FUCA1: variants seen among roughly 807,000 people sequenced by gnomAD.
FUCA1 encodes alpha-L-fucosidase 1, also known as tissue alpha-L-fucosidase.
In FUCA1, 52 loss-of-function variants were observed where a neutral mutation model predicts 56.8. The ratio of observed to expected loss-of-function variants is 0.92; its 90% confidence interval spans 0.73 to 1.15. The LOEUF is 1.15. Ranked by LOEUF, FUCA1 falls within the 50% of genes most tolerant of loss-of-function variation. The probability of loss-of-function intolerance (pLI) is 0.00; values close to 1 mark genes in which losing one functional copy is unlikely to be tolerated. For missense variants in FUCA1, 568 were observed against 592.6 expected, an observed-to-expected ratio of 0.96 and a Z score of 0.43; for synonymous variants, 230 against 226.6, an observed-to-expected ratio of 1.02 and a Z score of -0.14.
At position 23,845,525 on chromosome 1, in the gene FUCA1, C is replaced by A; in HGVS notation, c.*190G>T. On this transcript the variant is annotated 3_prime_UTR_variant, in exon 8 of 8. Coordinates refer to ENST00000374479, the MANE Select transcript of FUCA1 (RefSeq NM_000147.5). ...TGCTGACCTGATACAGATATAATCACAATGGATCTCAGATCTTTGGTCCAT... is the reference window on the plus strand; with the variant it reads ...TGCTGACCTGATACAGATATAATCAAAATGGATCTCAGATCTTTGGTCCAT... 1.5e-6 allele frequency: 1 copy of A among 659,708 alleles called. No individual in the cohort carries two copies. The highest frequency in any genetic ancestry group is 2.7e-6 in the Non-Finnish European group (1 of 375,254). 40.9% of individuals were successfully genotyped at this position (659,708 alleles called of 1,614,324 possible).
At chr1:23,862,742 G>T (rs1453852725) in intron 3 of FUCA1, among the ~76,000 whole-genome samples, 2 of 152,202 alleles carry the variant, frequency 1.3e-5, no homozygotes, top group Non-Finnish European at 2.9e-5. Flanking sequence ...TTTACAGAGT[G>T]AGAATCAAGC....
chr1:23,865,591 A>C lies in FUCA1; in HGVS notation c.424T>G (p.Phe142Val), dbSNP rs1307250692. 2 of 1,614,234 alleles carry C rather than the reference A, an allele frequency of 1.2e-6. No homozygotes were observed. ...VVLTTKHHEG[F>V]TNWPSPVSWN... ...GACACAGGACTCGGCCAGTTTGTGA[A>C]GCCTTCGTGATGCTTTGTCGTCAAA... Residue 142 changes from phenylalanine (F) to valine (V), a missense_variant, in exon 2 of 8, where the codon TTC becomes GTC. Physicochemically the swap from Phe to Val is conservative, Grantham distance 50. Coordinates refer to ENST00000374479, the MANE Select transcript of FUCA1 (RefSeq NM_000147.5).
chr1:23,846,226 T>C, intron 6 of FUCA1, 53 bp from the exon 7 acceptor site: 19 of 1,068,856 alleles, frequency 1.8e-5, no homozygotes, highest in Non-Finnish European at 2.6e-5. Context: ...TATCCTGATA[T>C]ACAACTTTAT....
At chr1:23,849,308 ATTTT>A in intron 5 of FUCA1, among the ~76,000 whole-genome samples, 1 of 152,022 alleles carries the variant, frequency 6.6e-6, no homozygotes, top group African/African-American at 2.4e-5. Flanking sequence ...CTCTATATAT[ATTTT>A]TGTCACTATA....
intron 6 of FUCA1, among the ~76,000 whole-genome samples, chr1:23,846,969 C>T (rs1035878333): frequency 7.2e-5 from 11 of 151,950 alleles, no homozygotes; most frequent in African/African-American, 2.4e-4. Context: ...ATCCTCCCAC[C>T]TTGGCCTTAG....
chr1:23,853,286 C>A (rs1243345268), intron 5 of FUCA1, among the ~76,000 whole-genome samples: 2 of 148,486 alleles, frequency 1.3e-5, no homozygotes, highest in Non-Finnish European at 2.9e-5. Flanking sequence ...CCGGCAGCCA[C>A]CCCGTCTGGT....
rs1158613073 is a variant in FUCA1 at position 23,868,024 on chromosome 1, T to C, written c.263A>G (p.Gln88Arg). The C allele has an allele frequency of 1.2e-6, 2 of 1,608,534 alleles. No individual in the cohort carries two copies. The highest frequency in any genetic ancestry group is 1.7e-6 in the Non-Finnish European group (2 of 1,178,430). The change falls in exon 1 of 8, where the codon CAG (glutamine) becomes CGG (arginine). Residue 88 changes from glutamine to arginine, a missense_variant. By Grantham distance (43) the Gln-to-Arg change is conservative. Coordinates refer to ENST00000374479, the MANE Select transcript of FUCA1 (RefSeq NM_000147.5). ...GTTGTCGCGCATGAAGCGCTGGTAC[T>C]GCGGCCGCCCCTCGCCCTGCCAGTG... is the stretch of plus-strand genomic sequence containing the variant. Reference protein sequence around the residue: ...WWHWQGEGRPQYQRFMRDNYP... With the variant: ...WWHWQGEGRPRYQRFMRDNYP...
chr1:23,853,125 G>C (rs980328167), intron 5 of FUCA1, among the ~76,000 whole-genome samples: 2 of 143,848 alleles, frequency 1.4e-5, no homozygotes, highest in Non-Finnish European at 3.0e-5. Flanking sequence ...CCTCTGCCCC[G>C]CCGCCCCGTC....
At chr1:23,849,207 A>G (rs753965387) in intron 5 of FUCA1, among the ~76,000 whole-genome samples, 4 of 152,140 alleles carry the variant, frequency 2.6e-5, no homozygotes, top group Non-Finnish European at 5.9e-5. Flanking sequence ...CCAGTCTCAA[A>G]ACTCCTGACC....
intron 4 of FUCA1, among the ~76,000 whole-genome samples, chr1:23,855,342 A>C (rs1015968286): frequency 2.6e-5 from 4 of 152,180 alleles, no homozygotes; most frequent in African/African-American, 9.7e-5. Context: ...CCAAAAATAC[A>C]AAAAATTAGC....
chr1:23,856,152 C>A (rs761635853), intron 4 of FUCA1, among the ~76,000 whole-genome samples: 2 of 152,116 alleles, frequency 1.3e-5, no homozygotes, highest in Non-Finnish European at 2.9e-5. Context: ...ACAAAACCAA[C>A]CAAACAAACA....
At chr1:23,865,735 A>C in intron 1 of FUCA1, 110 bp from the exon 2 acceptor site, 3 of 1,190,504 alleles carry the variant, frequency 2.5e-6, no homozygotes, top group Non-Finnish European at 3.8e-6. Context: ...ACCACAACAA[A>C]TGTACTTGTA....
chr1:23,853,724 A>G (rs1277663564), intron 5 of FUCA1, among the ~76,000 whole-genome samples: 2 of 150,920 alleles, frequency 1.3e-5, no homozygotes, highest in Admixed American at 1.3e-4. Flanking sequence ...TACTAAGAAA[A>G]ATTCTTCTGC....
intron 5 of FUCA1, among the ~76,000 whole-genome samples, chr1:23,853,428 CGGGA>C (rs1242850522): frequency 6.8e-6 from 1 of 148,062 alleles, no homozygotes; most frequent in Non-Finnish European, 1.5e-5. Context: ...CCGCCCCGTC[CGGGA>C]GGGAGGTGGG....
At chr1:23,856,147 A>G (rs1639384641) in intron 4 of FUCA1, among the ~76,000 whole-genome samples, 1 of 152,092 alleles carries the variant, frequency 6.6e-6, no homozygotes, top group South Asian at 2.1e-4. Context: ...AACAAACAAA[A>G]CCAACCAAAC....
intron 3 of FUCA1, among the ~76,000 whole-genome samples, chr1:23,861,081 T>C (rs960282880): frequency 1.3e-5 from 2 of 150,760 alleles, no homozygotes; most frequent in Non-Finnish European, 3.0e-5. Flanking sequence ...CCCAGCACTT[T>C]GGGAGGCCGA....
rs531818587 is a variant in FUCA1, at chr1:23,848,657, T to C, written c.1152A>G (p.Thr384=). The change falls in exon 6 of 8, where the codon ACA becomes ACG. Residue 384 remains threonine, a synonymous_variant. Coordinates refer to ENST00000374479, the MANE Select transcript of FUCA1 (RefSeq NM_000147.5). ...CAGAAGACAAGACTCACCATACAGA[T>C]GTTGTGTTCTTTTCCCATTGCACCC... ...PWRVQWEKNT[T]SVWYTSKGSA... 63 of 1,614,010 alleles carry C rather than the reference T, an allele frequency of 3.9e-5. 2 individuals carry two copies. The South Asian group carries it at 6.5e-4, about 17-fold the overall frequency.
At chr1:23,851,974 A>G (rs1424494533) in intron 5 of FUCA1, among the ~76,000 whole-genome samples, 5 of 152,058 alleles carry the variant, frequency 3.3e-5, no homozygotes, top group African/African-American at 1.2e-4. Flanking sequence ...ATGTATACCT[A>G]TGAAACAAAC....
chr1:23,864,398 T>C (rs958270097), intron 2 of FUCA1, among the ~76,000 whole-genome samples: 2 of 152,158 alleles, frequency 1.3e-5, no homozygotes, highest in Non-Finnish European at 2.9e-5. Flanking sequence ...AAACTAATAG[T>C]TCTTAACGTA....
Sources: gnomAD v4.1 joint callset for allele counts (sites outside exome capture counted in the v4.1 genomes callset) on GRCh38, gnomAD v4.1.1 for gene constraint, MANE v1.5 for transcripts, NCBI Gene and HGNC (gene_info 2026-07-23, HGNC 2026-07-21) for gene names.